ARHGAP22: variants seen among roughly 807,000 people sequenced by gnomAD.
The protein encoded by ARHGAP22 is rho GTPase-activating protein 22.
In ARHGAP22, 48 loss-of-function variants were observed where a neutral mutation model predicts 59.1. The ratio of observed to expected loss-of-function variants is 0.81; its 90% CI spans 0.64 to 1.03. The LOEUF is 1.03. Among genes scored for constraint, ARHGAP22 ranks in the 50% least tolerant of loss-of-function variants. The pLI is 0.00. For synonymous variants in ARHGAP22, 445 were observed against 416.4 expected, an observed-to-expected ratio of 1.07 and a Z score of -0.84; for missense variants, 1,015 against 958.7, an observed-to-expected ratio of 1.06 and a Z score of -0.78.
At chr10:48,639,573 C>T (rs533796422) in intron 1 of ARHGAP22, among the ~76,000 whole-genome samples, 2 of 152,252 alleles carry the variant, frequency 1.3e-5, no homozygotes, top group South Asian at 4.1e-4. Flanking sequence ...CTAAATTACA[C>T]AGAAACAAGA....
At chr10:48,642,202 A>T (rs975597064) in intron 1 of ARHGAP22, among the ~76,000 whole-genome samples, 1 of 152,244 alleles carries the variant, frequency 6.6e-6, no homozygotes, top group Non-Finnish European at 1.5e-5. Context: ...CCATCAAGCT[A>T]CCAATGACTT....
intron 1 of ARHGAP22, among the ~76,000 whole-genome samples, chr10:48,614,218 C>T (rs1433756090): frequency 6.6e-6 from 1 of 152,184 alleles, no homozygotes; most frequent in East Asian, 1.9e-4. Context: ...AAAGCCAAAA[C>T]AGGTTTAGTG....
chr10:48,577,270 A>G (rs1348808919), intron 2 of ARHGAP22, among the ~76,000 whole-genome samples: 3 of 152,190 alleles, frequency 2.0e-5, no homozygotes, highest in African/African-American at 7.2e-5. Context: ...TTTGTATAAC[A>G]GTTTTCTTCC....
At chr10:48,456,658 G>A (rs186073056) in intron 5 of ARHGAP22, among the ~76,000 whole-genome samples, 2 of 152,130 alleles carry the variant, frequency 1.3e-5, no homozygotes, top group African/African-American at 4.8e-5. Flanking sequence ...CAGCTGGGGG[G>A]ATGGGAGCAT....
chr10:48,485,745 G>T (rs1411392585), intron 3 of ARHGAP22, among the ~76,000 whole-genome samples: 1 of 152,114 alleles, frequency 6.6e-6, no homozygotes, highest in Non-Finnish European at 1.5e-5. Context: ...ATTATGAAAT[G>T]ACCTTATTTA....
the ARHGAP22 span, chr10:48,437,659 T>C: frequency 6.6e-6 from 1 of 152,222 alleles, no homozygotes; most frequent in Admixed American, 6.5e-5. Context: ...GCATCTCAAC[T>C]CTGTCATAGT....
chr10:48,453,989 C>T (rs750452763), intron 7 of ARHGAP22, 99 bp downstream of exon 7: 3 of 1,273,128 alleles, frequency 2.4e-6, no homozygotes, highest in Admixed American at 1.7e-5. Flanking sequence ...ATGACCCGGG[C>T]CCCCCTCTGA....
Position 48,450,374 on chromosome 10 carries a change from C to G in ARHGAP22, c.1755G>C (p.Pro585=), listed in dbSNP as rs1380771158. The change falls in exon 9 of 10, where the codon CCG becomes CCC. Residue 585 remains proline, a synonymous_variant. Transcript: ENST00000249601. ...AGASNSEPSE[P]DSPTREHARR... The stretch of plus-strand genomic sequence containing the variant: ...GCGCGTGTTCCCGGGTGGGGCTGTC[C>G]GGCTCGCTGGGCTCGCTGTTGCTGG... 11 of 1,581,088 alleles carry G rather than the reference C, an allele frequency of 7.0e-6. No homozygotes were observed. The highest frequency in any genetic ancestry group is 1.8e-5 in the Admixed American group (1 of 55,712).
intron 2 of ARHGAP22, 162 bp downstream of exon 2, chr10:48,582,791 G>A (rs1472595172): frequency 1.3e-6 from 1 of 753,818 alleles, no homozygotes; most frequent in Non-Finnish European, 2.1e-6. Flanking sequence ...GTGATACCAG[G>A]AACATGGGGG....
intron 1 of ARHGAP22, among the ~76,000 whole-genome samples, chr10:48,639,450 C>T (rs2061953053): frequency 6.6e-6 from 1 of 152,186 alleles, no homozygotes; most frequent in South Asian, 2.1e-4. Context: ...GTCTTGAAAA[C>T]AACCTGAACT....
chr10:48,463,885 G>A (rs544941710), intron 4 of ARHGAP22, among the ~76,000 whole-genome samples: 6 of 152,306 alleles, frequency 3.9e-5, no homozygotes, highest in Non-Finnish European at 7.4e-5. Context: ...AACTCACAGC[G>A]TTCAGCCCCA....
chr10:48,626,114 A>C (rs2061440672), intron 1 of ARHGAP22, among the ~76,000 whole-genome samples: 1 of 152,172 alleles, frequency 6.6e-6, no homozygotes, highest in African/African-American at 2.4e-5. Context: ...AGCAGCGTGG[A>C]TACTAGCATA....
chr10:48,465,363 C>A lies in ARHGAP22; in HGVS notation c.452-5472G>T, dbSNP rs575010533. 5.2e-5 allele frequency among the ~76,000 whole-genome samples: 8 copies of A among 152,384 alleles called. No homozygotes were observed. In the South Asian group the frequency reaches 1.4e-3, roughly 28 times the overall value. ...CACTCCCCTCCCCGGGAATCCCACA[C>A]CGGAGAGGAAGCCCAGGCAGAGCAG... is the stretch of plus-strand genomic sequence containing the variant. On this transcript the variant is annotated intron_variant, in intron 4 of 9. Transcript: ENST00000249601.
At chr10:48,533,609 G>A (rs994033778) in intron 3 of ARHGAP22, among the ~76,000 whole-genome samples, 1 of 152,198 alleles carries the variant, frequency 6.6e-6, no homozygotes, top group African/African-American at 2.4e-5. Context: ...TCTCTAAGGG[G>A]CAGATAGTAA....
chr10:48,628,584 C>T (rs1481543361), intron 1 of ARHGAP22, among the ~76,000 whole-genome samples: 1 of 152,226 alleles, frequency 6.6e-6, no homozygotes, highest in Non-Finnish European at 1.5e-5. Context: ...CTCCAAACCA[C>T]TCCATAGGTC....
At chr10:48,557,121 T>C (rs1189946020) in intron 2 of ARHGAP22, among the ~76,000 whole-genome samples, 2 of 152,338 alleles carry the variant, frequency 1.3e-5, no homozygotes, top group South Asian at 2.1e-4. Flanking sequence ...TGTAACTGAA[T>C]TGATGGTTAC....
At chr10:48,509,116 A>G (rs952807389) in intron 3 of ARHGAP22, among the ~76,000 whole-genome samples, 1 of 152,242 alleles carries the variant, frequency 6.6e-6, no homozygotes, top group African/African-American at 2.4e-5. Context: ...GTAGCTGAGC[A>G]GGCTCTGGGC....
intron 2 of ARHGAP22, among the ~76,000 whole-genome samples, chr10:48,569,782 A>G (rs528012642): frequency 6.6e-6 from 1 of 152,334 alleles, no homozygotes; most frequent in African/African-American, 2.4e-5. Context: ...TCTTGTAGGC[A>G]GTATAGCTCT....
chr10:48,583,037 G>C lies in ARHGAP22; in HGVS notation c.150C>G (p.Ile50Met). The change falls in exon 2 of 10, where the codon ATC (isoleucine) becomes ATG (methionine). Residue 50 changes from isoleucine to methionine, a missense_variant. By Grantham distance (10) the Ile-to-Met change is conservative (BLOSUM62 1). Transcript: ENST00000249601. ...ACCAGCGCTGCTGCCAGTTCTTCAT[G>C]ATGCTCCTCTGCTTCTTCAGCCAGC... ...KAGWLKKQRS[I>M]MKNWQQRWFV... The C allele has an allele frequency of 6.2e-7, 1 of 1,614,278 alleles. No homozygotes were observed. Among genetic ancestry groups the C allele is most frequent in the Non-Finnish European group, 8.5e-7 (1 of 1,180,048 alleles).
Sources: gnomAD v4.1 joint callset for allele counts (sites outside exome capture counted in the v4.1 genomes callset) on GRCh38, gnomAD v4.1.1 for gene constraint, MANE v1.5 for transcripts, NCBI Gene and HGNC (gene_info 2026-07-23, HGNC 2026-07-21) for gene names.